UHRF2: variants seen among roughly 807,000 people sequenced by gnomAD.
UHRF2 encodes the protein ubiquitin like with PHD and ring finger domains 2.
UHRF2 carries 23 observed loss-of-function variants against 96.8 expected under a neutral mutation model. The observed-to-expected ratio is 0.24, with a 90% CI of 0.17 to 0.34. The LOEUF (loss-of-function observed/expected upper bound fraction) is 0.34, where lower values mean the gene tolerates loss of function less well. Ranked by LOEUF, UHRF2 falls within the 10% of genes least tolerant of loss-of-function variation. The probability of loss-of-function intolerance (pLI) is 1.00; values close to 1 mark genes in which losing one functional copy is unlikely to be tolerated. For synonymous variants in UHRF2, 385 were observed against 332.6 expected (o/e 1.16, Z -1.72); for missense variants, 685 against 981.5 (o/e 0.70, Z 4.04).
intron 4 of UHRF2, among the ~76,000 whole-genome samples, chr9:6,467,956 A>AT (rs1478735112): frequency 2.0e-5 from 3 of 152,036 alleles, no homozygotes; most frequent in Non-Finnish European, 4.4e-5. Flanking sequence ...TCTAAGCTTT[A>AT]TTTGAAGGTG....
chr9:6,421,575 C>T (rs142630358), intron 2 of UHRF2, among the ~76,000 whole-genome samples: 1 of 152,078 alleles, frequency 6.6e-6, no homozygotes, highest in South Asian at 2.1e-4. Context: ...CACCACCACG[C>T]CCGGCTAATT....
chr9:6,414,371 CTGTT>C (rs1055144923), intron 1 of UHRF2, among the ~76,000 whole-genome samples: 4 of 152,168 alleles, frequency 2.6e-5, no homozygotes, highest in African/African-American at 9.7e-5. Context: ...GAGTGTAAGA[CTGTT>C]TGCTTTTCTT....
At chr9:6,503,513 T>C (rs1298990854) in intron 14 of UHRF2, among the ~76,000 whole-genome samples, 1 of 152,140 alleles carries the variant, frequency 6.6e-6, no homozygotes, top group Non-Finnish European at 1.5e-5. Flanking sequence ...CTTTTTATAA[T>C]TTCCTCCTAC....
chr9:6,469,929 A>T (rs1038264009), intron 4 of UHRF2, among the ~76,000 whole-genome samples: 1 of 152,134 alleles, frequency 6.6e-6, no homozygotes, highest in South Asian at 2.1e-4. Context: ...TGTAAATTCT[A>T]AGCAGGATAA....
At chr9:6,481,435 A>G (rs1823920621) in intron 6 of UHRF2, among the ~76,000 whole-genome samples, 1 of 152,216 alleles carries the variant, frequency 6.6e-6, no homozygotes, top group South Asian at 2.1e-4. Flanking sequence ...TTTATAAGTT[A>G]TCTAAAGGAA....
Position 6,503,061 on chromosome 9 carries a change from C to T in UHRF2, c.2164-1532C>T, listed in dbSNP as rs150768199. Reference sequence around the variant, plus strand: ...CCAGGCTGAAGTACAGTAGCATGATCTCAGCTCACTGCAACCTCCACCTCC... The same window carrying T: ...CCAGGCTGAAGTACAGTAGCATGATTTCAGCTCACTGCAACCTCCACCTCC... On this transcript the variant is annotated intron_variant, in intron 14 of 15. Coordinates refer to ENST00000276893, the MANE Select transcript of UHRF2 (RefSeq NM_152896.3). 2.9e-3 allele frequency among the ~76,000 whole-genome samples: 435 copies of T among 152,302 alleles called. 2 individuals are homozygous for T. The highest frequency in any genetic ancestry group is 9.9e-3 in the African/African-American group (413 of 41,570).
chr9:6,414,812 T>C (rs1563735138), intron 1 of UHRF2, among the ~76,000 whole-genome samples: 1 of 152,224 alleles, frequency 6.6e-6, no homozygotes, highest in Non-Finnish European at 1.5e-5. Context: ...AGAGAGCTTT[T>C]TTTTCCCCTT....
chr9:6,448,480 C>G (rs1377246367), intron 3 of UHRF2, among the ~76,000 whole-genome samples: 1 of 152,130 alleles, frequency 6.6e-6, no homozygotes, highest in Non-Finnish European at 1.5e-5. Flanking sequence ...TGAAAAACGT[C>G]TCTGTTTTTA....
At chr9:6,420,087 C>T (rs1366819540) in intron 1 of UHRF2, among the ~76,000 whole-genome samples, 1 of 151,300 alleles carries the variant, frequency 6.6e-6, no homozygotes, top group Non-Finnish European at 1.5e-5. Flanking sequence ...TTGACAGTCT[C>T]CCTCTGTTGC....
chr9:6,420,201 G>T (rs891983467), intron 1 of UHRF2, among the ~76,000 whole-genome samples: 3 of 151,882 alleles, frequency 2.0e-5, no homozygotes, highest in South Asian at 4.2e-4. Context: ...GATTACAGGT[G>T]CGTACCACCA....
At chr9:6,461,290 T>G (rs954302117) in intron 4 of UHRF2, among the ~76,000 whole-genome samples, 5 of 151,934 alleles carry the variant, frequency 3.3e-5, no homozygotes, top group African/African-American at 1.2e-4. Context: ...CCTTCAGATA[T>G]TTCTATCATT....
At chr9:6,444,480 C>G (rs772489330) in intron 3 of UHRF2, among the ~76,000 whole-genome samples, 12 of 152,210 alleles carry the variant, frequency 7.9e-5, no homozygotes, top group Non-Finnish European at 1.6e-4. Flanking sequence ...ATTTATGCTT[C>G]TCAAAGATGG....
chr9:6,480,092 C>T (rs1013209009), intron 6 of UHRF2, among the ~76,000 whole-genome samples: 9 of 152,210 alleles, frequency 5.9e-5, no homozygotes, highest in African/African-American at 2.2e-4. Flanking sequence ...ACTTCGGTTG[C>T]TTATCACTAA....
chr9:6,431,827 C>T (rs1019120498), intron 2 of UHRF2, among the ~76,000 whole-genome samples: 7 of 152,140 alleles, frequency 4.6e-5, no homozygotes, highest in Admixed American at 1.3e-4. Context: ...CCTCGTGTTC[C>T]TTAGTAAGGT....
chr9:6,492,354 G>T, intron 9 of UHRF2: 1 of 1,222,012 alleles, frequency 8.2e-7, no homozygotes, highest in African/African-American at 1.5e-5. Context: ...ATACCGGGTG[G>T]AAGACTGGTT....
chr9:6,432,904 G>A (rs1383181138), intron 2 of UHRF2, among the ~76,000 whole-genome samples: 1 of 151,372 alleles, frequency 6.6e-6, no homozygotes, highest in African/African-American at 2.4e-5. Context: ...GCACTGGCAC[G>A]ATCTCCGTTC....
intron 12 of UHRF2, chr9:6,499,489 C>T (rs1825150777): frequency 6.3e-6 from 1 of 158,746 alleles, no homozygotes; most frequent in African/African-American, 2.4e-5. Flanking sequence ...CTGTTGTGCT[C>T]TATGATTGGT....
intron 8 of UHRF2, among the ~76,000 whole-genome samples, chr9:6,486,353 T>A (rs1053775941): frequency 4.6e-5 from 7 of 151,858 alleles, no homozygotes; most frequent in Non-Finnish European, 1.0e-4. Flanking sequence ...ACCAAAAGGG[T>A]TTGAGGAATA....
chr9:6,488,915 T>G (rs1318000427), intron 9 of UHRF2, among the ~76,000 whole-genome samples: 1 of 152,012 alleles, frequency 6.6e-6, no homozygotes, highest in Non-Finnish European at 1.5e-5. Context: ...CAGGTTCAAG[T>G]GATTCTCCTG....
Sources: allele counts gnomAD v4.1 joint callset (sites outside exome capture counted in the v4.1 genomes callset), GRCh38; gene constraint gnomAD v4.1.1; transcripts MANE v1.5; gene names NCBI Gene and HGNC (gene_info 2026-07-23, HGNC 2026-07-21).